The following MGAT4A variants were observed in gnomAD, a reference collection of about 807,000 sequenced individuals.
MGAT4A encodes the protein alpha-1,3-mannosyl-glycoprotein 4-beta-N-acetylglucosaminyltransferase A.
MGAT4A carries 33 observed loss-of-function variants against 74.1 expected under a neutral mutation model. The observed-to-expected ratio is 0.45, with a 90% CI of 0.34 to 0.60. The LOEUF (loss-of-function observed/expected upper bound fraction) is 0.60. MGAT4A is among the 20% of genes least tolerant of loss of function. The pLI is 0.02. For synonymous variants in MGAT4A, 198 were observed against 210.4 expected (o/e 0.94, Z 0.51); for missense variants, 479 against 628.3 (o/e 0.76, Z 2.54).
chr2:98,682,034 CAATA>C (rs1337459446), intron 2 of MGAT4A, among the ~76,000 whole-genome samples: 1 of 151,950 alleles, frequency 6.6e-6, no homozygotes, highest in Non-Finnish European at 1.5e-5. Context: ...TCCGTATCAA[CAATA>C]AATAAATAAA....
chr2:98,721,523 A>T (rs1405942025), intron 2 of MGAT4A, among the ~76,000 whole-genome samples: 2 of 152,218 alleles, frequency 1.3e-5, no homozygotes, highest in Non-Finnish European at 2.9e-5. Flanking sequence ...AGGTAGGTGG[A>T]AATAAAACTG....
At chr2:98,654,254 G>A (rs1005697452) in intron 8 of MGAT4A, among the ~76,000 whole-genome samples, 5 of 151,964 alleles carry the variant, frequency 3.3e-5, no homozygotes, top group African/African-American at 1.2e-4. Context: ...TTAGAAGCAG[G>A]GCAAGGAGTC....
rs1701600641 is a variant in MGAT4A, at chr2:98,652,741, G to A, written c.774+2704C>T. 2.0e-5 allele frequency among the ~76,000 whole-genome samples: 3 copies of A among 151,966 alleles called. 1 individual carries two copies. The highest frequency in any genetic ancestry group is 4.1e-4 in the South Asian group (2 of 4,824). Reference sequence around the variant, plus strand: ...ACTGATACTCCCACCTCAGACTCCCGAGTAGGTGGGACTACTGGTATGCAC... The same window carrying A: ...ACTGATACTCCCACCTCAGACTCCCAAGTAGGTGGGACTACTGGTATGCAC... On this transcript the variant is annotated intron_variant, in intron 8 of 15. Transcript: ENST00000393487.
In MGAT4A at chr2:98,662,903, A is replaced by G. The variant is rs1701771932; in HGVS notation, c.537+143T>C. On this transcript the variant is annotated intron_variant, in intron 5 of 15. Transcript: ENST00000393487. ...CAGAAGTGAGTTCAATTTACATTAA[A>G]CTACCAGATAGAATATATTACCTAA... 7.3e-6 allele frequency: 4 copies of G among 547,124 alleles called. No individual in the cohort carries two copies. The South Asian group carries it at 2.4e-4, about 33-fold the overall frequency. 33.9% of individuals were successfully genotyped at this position (547,124 alleles called of 1,614,324 possible).
intron 4 of MGAT4A, 124 bp downstream of exon 4, chr2:98,674,911 A>G: frequency 1.1e-6 from 1 of 890,800 alleles, no homozygotes; most frequent in Non-Finnish European, 1.7e-6. Flanking sequence ...GAATGATCTG[A>G]TGTGCACAGA....
At chr2:98,683,893 C>T (rs979007619) in intron 2 of MGAT4A, among the ~76,000 whole-genome samples, 6 of 152,100 alleles carry the variant, frequency 3.9e-5, no homozygotes, top group East Asian at 1.9e-4. Context: ...GTTTCTAGCC[C>T]GGATGCTATT....
chr2:98,709,001 C>T (rs1702478789), intron 2 of MGAT4A, among the ~76,000 whole-genome samples: 2 of 152,162 alleles, frequency 1.3e-5, no homozygotes, highest in Admixed American at 1.3e-4. Flanking sequence ...CCCTGAGAGC[C>T]GATTCAGGCT....
intron 2 of MGAT4A, among the ~76,000 whole-genome samples, chr2:98,681,606 C>G (rs915813432): frequency 4.6e-5 from 7 of 152,114 alleles, no homozygotes; most frequent in African/African-American, 1.7e-4. Flanking sequence ...ACCCTTCAGA[C>G]TTAAGCAGTG....
intron 2 of MGAT4A, among the ~76,000 whole-genome samples, chr2:98,722,707 C>T (rs1702694177): frequency 6.6e-6 from 1 of 150,892 alleles, no homozygotes; most frequent in Admixed American, 6.7e-5. Flanking sequence ...TAAATTATAT[C>T]TCAAGCTGTT....
Position 98,625,890 on chromosome 2 carries a change from T to C in MGAT4A, c.1469-55A>G, listed in dbSNP as rs1449748454. The C allele has an allele frequency of 1.5e-5, 19 of 1,309,008 alleles. No homozygotes were observed. The East Asian group carries it at 4.5e-4, about 31-fold the overall frequency. 81.1% of individuals were successfully genotyped at this position (1,309,008 alleles called of 1,614,324 possible). A position where few individuals can be genotyped will look rare whatever the true frequency, so the allele number is the denominator to read the frequency against. On this transcript the variant is annotated intron_variant, in intron 14 of 15. Transcript: ENST00000393487. Reference sequence around the variant, plus strand: ...TACACCGAGATAAGCAAACATAAAATATCACTGAGTTAAGGCAGGAAAGGA... The same window carrying C: ...TACACCGAGATAAGCAAACATAAAACATCACTGAGTTAAGGCAGGAAAGGA...
chr2:98,638,690 C>T (rs1701359793), intron 12 of MGAT4A, among the ~76,000 whole-genome samples: 1 of 152,236 alleles, frequency 6.6e-6, no homozygotes, highest in South Asian at 2.1e-4. Flanking sequence ...TCTGTATGTT[C>T]TTCCAGTGGT....
At chr2:98,642,718 G>C (rs1371416402) in intron 10 of MGAT4A, among the ~76,000 whole-genome samples, 1 of 152,114 alleles carries the variant, frequency 6.6e-6, no homozygotes, top group African/African-American at 2.4e-5. Context: ...ATGTGCATAA[G>C]GACTGAGATC....
At chr2:98,684,121 A>G (rs1702098556) in intron 2 of MGAT4A, among the ~76,000 whole-genome samples, 1 of 152,226 alleles carries the variant, frequency 6.6e-6, no homozygotes, top group Non-Finnish European at 1.5e-5. Context: ...ATTTCCCGTA[A>G]TACTATACAG....
chr2:98,707,640 T>TC (rs1575278232), intron 2 of MGAT4A, among the ~76,000 whole-genome samples: 3 of 152,124 alleles, frequency 2.0e-5, no homozygotes, highest in Non-Finnish European at 4.4e-5. Context: ...AAAATGACCC[T>TC]CCCAAGATGA....
chr2:98,715,854 G>T (rs1702585362), intron 2 of MGAT4A, among the ~76,000 whole-genome samples: 1 of 152,186 alleles, frequency 6.6e-6, no homozygotes, highest in Admixed American at 6.5e-5. Flanking sequence ...GTAAAAGTAT[G>T]ATAAGAAACA....
intron 4 of MGAT4A, among the ~76,000 whole-genome samples, chr2:98,667,290 G>C (rs1701848559): frequency 6.6e-6 from 1 of 152,160 alleles, no homozygotes; most frequent in South Asian, 2.1e-4. Flanking sequence ...TACCAGGAGA[G>C]TGGGGCACTG....
chr2:98,644,275 C>A (rs975434219), intron 9 of MGAT4A, among the ~76,000 whole-genome samples: 4 of 152,076 alleles, frequency 2.6e-5, no homozygotes, highest in African/African-American at 9.7e-5. Flanking sequence ...AGTAAATTCC[C>A]GATGTTACTA....
At chr2:98,659,283 A>T (rs1393753785) in intron 5 of MGAT4A, among the ~76,000 whole-genome samples, 1 of 152,234 alleles carries the variant, frequency 6.6e-6, no homozygotes, top group Non-Finnish European at 1.5e-5. Flanking sequence ...AAGGACTGAC[A>T]AACAGGGTGG....
Position 98,621,621 on chromosome 2 carries a change from ATT to A in MGAT4A, c.*3943_*3944del. ...CCACCCATGCTCAAAGTGGGAGGAT[ATT>A]ATACAAGGTCATTGGTGGGGGTGTC... On this transcript the variant is annotated 3_prime_UTR_variant, in exon 16 of 16. Transcript: ENST00000393487. 6.7e-7 allele frequency: 1 copy of A among 1,499,248 alleles called. No individual in the cohort carries two copies. The highest frequency in any genetic ancestry group is 8.9e-7 in the Non-Finnish European group (1 of 1,121,296). 92.9% of individuals were successfully genotyped at this position (1,499,248 alleles called of 1,614,324 possible). A position where few individuals can be genotyped will look rare whatever the true frequency, so the allele number is the denominator to read the frequency against.
Sources: allele counts gnomAD v4.1 joint callset (sites outside exome capture counted in the v4.1 genomes callset), GRCh38; gene constraint gnomAD v4.1.1; transcripts MANE v1.5; gene names NCBI Gene and HGNC (gene_info 2026-07-23, HGNC 2026-07-21).